Variants in VPS13C observed in about 807,000 individuals in gnomAD.
VPS13C encodes intermembrane lipid transfer protein VPS13C.
In VPS13C, 358 loss-of-function variants were observed where a neutral mutation model predicts 456.8. The ratio of observed to expected loss-of-function variants is 0.78; its 90% confidence interval spans 0.72 to 0.86. The LOEUF (loss-of-function observed/expected upper bound fraction) is 0.86, where lower values mean the gene tolerates loss of function less well. Among genes scored for constraint, VPS13C ranks in the 40% least tolerant of loss-of-function variants. The probability of loss-of-function intolerance (pLI) is 0.00; values close to 1 mark genes in which losing one functional copy is unlikely to be tolerated. For synonymous variants in VPS13C, 1,578 were observed against 1,486.7 expected, an observed-to-expected ratio of 1.06 and a Z score of -1.41; for missense variants, 4,818 against 4,385.4, an observed-to-expected ratio of 1.10 and a Z score of -2.79.
intron 55 of VPS13C, 62 bp from the exon 56 acceptor site, chr15:61,920,709 G>A: frequency 6.8e-7 from 1 of 1,470,184 alleles, no homozygotes; most frequent in Non-Finnish European, 9.1e-7. Context: ...AAATAAAAAT[G>A]CTGGAGTTCA....
At chr15:61,880,381 A>C (rs1895757604) in intron 73 of VPS13C, among the ~76,000 whole-genome samples, 1 of 152,090 alleles carries the variant, frequency 6.6e-6, no homozygotes, top group Non-Finnish European at 1.5e-5. Context: ...TTCTTCTTTG[A>C]ATAAGGGGGT....
At chr15:61,996,364 T>C (rs753015403) in intron 16 of VPS13C, among the ~76,000 whole-genome samples, 6 of 152,156 alleles carry the variant, frequency 3.9e-5, no homozygotes, top group Non-Finnish European at 5.9e-5. Flanking sequence ...CTTAACTAGG[T>C]TGTACACTAA....
chr15:62,027,434 A>G (rs1020601240), intron 6 of VPS13C, among the ~76,000 whole-genome samples: 1 of 152,126 alleles, frequency 6.6e-6, no homozygotes. Flanking sequence ...ACACAGGCAC[A>G]CTTACGGAAG....
intron 53 of VPS13C, among the ~76,000 whole-genome samples, chr15:61,923,199 A>C (rs2043718613): frequency 7.1e-6 from 1 of 140,016 alleles, no homozygotes; most frequent in African/African-American, 2.7e-5. Context: ...GTATGCAACA[A>C]GATCTTCTGA....
chr15:62,054,735 T>TA (rs1172207729), intron 1 of VPS13C, among the ~76,000 whole-genome samples: 2,426 of 130,898 alleles, frequency 0.019, 57 homozygotes, highest in African/African-American at 0.062. Context: ...AAAGTAGAAG[T>TA]AAAAAAAAAA....
intron 37 of VPS13C, among the ~76,000 whole-genome samples, chr15:61,956,012 G>A (rs138420477): frequency 6.6e-6 from 1 of 152,026 alleles, no homozygotes; most frequent in East Asian, 1.9e-4. Context: ...CTACCAAAAC[G>A]ACCACATGCC....
chr15:62,023,433 A>G lies in VPS13C; in HGVS notation c.602T>C (p.Ile201Thr), dbSNP rs746539454. The G allele has an allele frequency of 6.5e-7, 1 of 1,549,816 alleles. No homozygotes were observed. Among genetic ancestry groups the G allele is most frequent in the Admixed American group, 1.9e-5 (1 of 51,354 alleles). ...IKNVQVKITDIHIKYEDDVTD... is the reference protein window; with the variant it reads ...IKNVQVKITDTHIKYEDDVTD... ...TACATCATCTTCATATTTAATGTGA[A>G]TATCTGTGATTTTTACTTGTACATT... The change falls in exon 8 of 85, where the codon ATT becomes ACT. Residue 201 changes from isoleucine to threonine, a missense_variant. Around this residue, in one of 3 missense-constraint regions of VPS13C, gnomAD observed 4,552 missense variants for 4,130.6 expected, o/e 1.10. Coordinates refer to ENST00000644861, the MANE Select transcript of VPS13C (RefSeq NM_020821.3).
intron 51 of VPS13C, 173 bp from the exon 52 acceptor site, chr15:61,927,493 G>C (rs2043895622): frequency 3.4e-6 from 2 of 589,708 alleles, no homozygotes; most frequent in South Asian, 4.2e-5. Flanking sequence ...ATTAACAAAT[G>C]CAGATTGAGC....
intron 67 of VPS13C, among the ~76,000 whole-genome samples, chr15:61,887,785 C>T (rs1407096077): frequency 6.6e-6 from 1 of 152,062 alleles, no homozygotes; most frequent in Non-Finnish European, 1.5e-5. Flanking sequence ...ATAAAGCTAA[C>T]TTTCGGTATA....
At chr15:61,860,607 C>T (rs1320799178) in intron 82 of VPS13C, among the ~76,000 whole-genome samples, 2 of 152,104 alleles carry the variant, frequency 1.3e-5, no homozygotes, top group Non-Finnish European at 2.9e-5. Context: ...TCTGCAAATA[C>T]AAAATTATGT....
intron 39 of VPS13C, 145 bp from the exon 40 acceptor site, chr15:61,951,169 T>C: frequency 3.9e-6 from 2 of 511,224 alleles, no homozygotes; most frequent in South Asian, 4.6e-5. Context: ...TGTATAAATC[T>C]TACCTCAATA....
chr15:61,938,053 C>T (rs1271978282), intron 47 of VPS13C, among the ~76,000 whole-genome samples: 5 of 152,198 alleles, frequency 3.3e-5, no homozygotes, highest in Non-Finnish European at 5.9e-5. Flanking sequence ...AGAGAAATTG[C>T]CTAGTTCCCA....
chr15:61,894,712 A>G (rs2042754268), intron 66 of VPS13C, among the ~76,000 whole-genome samples: 1 of 152,226 alleles, frequency 6.6e-6, no homozygotes, highest in East Asian at 1.9e-4. Flanking sequence ...TATGTACCCA[A>G]CACCAGAGCA....
chr15:61,935,679 A>G (rs2044204787), intron 48 of VPS13C: 1 of 152,126 alleles, frequency 6.6e-6, no homozygotes, highest in Admixed American at 6.5e-5. Context: ...ACCTGGGGAG[A>G]TGTTGACCTC....
At chr15:61,898,208 C>A (rs1281781197) in intron 66 of VPS13C, among the ~76,000 whole-genome samples, 13 of 151,820 alleles carry the variant, frequency 8.6e-5, no homozygotes, top group Admixed American at 2.0e-4. Flanking sequence ...CGAGCAAAAT[C>A]ACCAGCTAAC....
At chr15:61,946,057 A>G (rs1460911133) in intron 44 of VPS13C, among the ~76,000 whole-genome samples, 175 bp from the exon 45 acceptor site, 1 of 152,176 alleles carries the variant, frequency 6.6e-6, no homozygotes, top group Non-Finnish European at 1.5e-5. Flanking sequence ...TCCTATTTCT[A>G]TAAAAAGCAT....
intron 46 of VPS13C, among the ~76,000 whole-genome samples, chr15:61,941,211 T>C (rs1420476086): frequency 6.6e-6 from 1 of 152,198 alleles, no homozygotes; most frequent in Non-Finnish European, 1.5e-5. Flanking sequence ...AGGGGGAAAC[T>C]CAACTAATCT....
intron 15 of VPS13C, among the ~76,000 whole-genome samples, chr15:62,003,180 C>T (rs2046699016): frequency 6.6e-6 from 1 of 151,796 alleles, no homozygotes; most frequent in South Asian, 2.1e-4. Context: ...TTGTTTGTGT[C>T]CTCTTTTATT....
intron 82 of VPS13C, among the ~76,000 whole-genome samples, chr15:61,861,716 G>A (rs1894236661): frequency 6.6e-6 from 1 of 152,132 alleles, no homozygotes; most frequent in Non-Finnish European, 1.5e-5. Flanking sequence ...ACTGAATTTG[G>A]AAGAAATGCT....
Sources: gnomAD v4.1 joint callset for allele counts (sites outside exome capture counted in the v4.1 genomes callset) on GRCh38, gnomAD v4.1.1 for gene constraint, gnomAD v4.1.1 regional missense constraint, MANE v1.5 for transcripts, NCBI Gene and HGNC (gene_info 2026-07-23, HGNC 2026-07-21) for gene names.